Variants in RAB3IP observed in about 807,000 individuals in gnomAD.
RAB3IP encodes the protein RAB3A interacting protein, also known as rab-3A-interacting protein.
In RAB3IP, 36 loss-of-function variants were observed where a neutral mutation model predicts 59.1. The observed-to-expected ratio is 0.61, with a 90% CI of 0.47 to 0.80. The LOEUF (loss-of-function observed/expected upper bound fraction) is 0.80, where lower values mean the gene tolerates loss of function less well. Ranked by LOEUF, RAB3IP falls within the 30% of genes least tolerant of loss-of-function variation. The probability of loss-of-function intolerance (pLI) is 0.00; values close to 1 mark genes in which losing one functional copy is unlikely to be tolerated. For missense variants in RAB3IP, 511 were observed against 536.0 expected, an observed-to-expected ratio of 0.95 and a Z score of 0.46; for synonymous variants, 207 against 191.2, an observed-to-expected ratio of 1.08 and a Z score of -0.68.
chr12:69,760,499 C>T (rs1214445342), intron 3 of RAB3IP, among the ~76,000 whole-genome samples: 1 of 152,170 alleles, frequency 6.6e-6, no homozygotes, highest in Non-Finnish European at 1.5e-5. Context: ...TGTGTTCATT[C>T]CTTTGGTATT....
chr12:69,800,348 T>C lies in RAB3IP; in HGVS notation c.1017+11T>C. 1 of 1,512,916 alleles carries C rather than the reference T, an allele frequency of 6.6e-7. No homozygotes were observed. Among genetic ancestry groups the C allele is most frequent in the Admixed American group, 2.0e-5 (1 of 49,562 alleles). 93.7% of individuals were successfully genotyped at this position (1,512,916 alleles called of 1,614,324 possible). ...TTCTCAAAAAGTGAGGTAATTTTTT[T>C]TCATTTTAGTAGGAATTCATTATAG... On this transcript the variant is annotated intron_variant, in intron 7 of 10. Coordinates refer to ENST00000247833, the MANE Select transcript of RAB3IP (RefSeq NM_022456.5).
intron 3 of RAB3IP, among the ~76,000 whole-genome samples, chr12:69,779,430 G>T (rs966208030): frequency 6.6e-6 from 1 of 152,050 alleles, no homozygotes; most frequent in Non-Finnish European, 1.5e-5. Context: ...CGGCCATCTT[G>T]GCTCCTCCTC....
intron 4 of RAB3IP, among the ~76,000 whole-genome samples, chr12:69,788,735 A>C (rs1234956607): frequency 6.6e-6 from 1 of 152,132 alleles, no homozygotes; most frequent in Non-Finnish European, 1.5e-5. Flanking sequence ...AACTTTTAAC[A>C]CAACAGCAAA....
At chr12:69,801,867 A>G in intron 8 of RAB3IP, 146 bp downstream of exon 8, 1 of 510,592 alleles carries the variant, frequency 2.0e-6, no homozygotes, top group South Asian at 2.7e-5. Flanking sequence ...CCAAAGACAA[A>G]TTCCTGAGAC....
At chr12:69,739,668 C>T (rs1165643646) in intron 1 of RAB3IP, 2 of 656,514 alleles carry the variant, frequency 3.0e-6, no homozygotes, top group East Asian at 5.5e-5. Context: ...AAGTAGGCAG[C>T]TCCGTGCCGC....
rs1881518675 is a variant in RAB3IP at position 69,819,929 on chromosome 12, T to C, written c.*4483T>C. The C allele has an allele frequency of 6.6e-6, 1 of 152,194 alleles. No individual in the cohort carries two copies. Among genetic ancestry groups the C allele is most frequent in the East Asian group, 1.9e-4 (1 of 5,180 alleles). 9.4% of individuals were successfully genotyped at this position (152,194 alleles called of 1,614,324 possible). Reference sequence around the variant, plus strand: ...ACAGTCTTTGACTAAGCATCCACACTGGAAGAACAAGATTTGGTTTCTGAA... The same window carrying C: ...ACAGTCTTTGACTAAGCATCCACACCGGAAGAACAAGATTTGGTTTCTGAA... On this transcript the variant is annotated 3_prime_UTR_variant, in exon 11 of 11. Transcript: ENST00000247833.
chr12:69,752,884 T>G (rs1462110856), intron 1 of RAB3IP, among the ~76,000 whole-genome samples: 1 of 152,226 alleles, frequency 6.6e-6, no homozygotes, highest in Non-Finnish European at 1.5e-5. Flanking sequence ...ATAGCAGTTT[T>G]CTTGGTATAT....
intron 2 of RAB3IP, 135 bp from the exon 3 acceptor site, chr12:69,756,270 A>G (rs1302911022): frequency 1.2e-5 from 10 of 821,488 alleles, no homozygotes; most frequent in Admixed American, 1.1e-4. Flanking sequence ...TGTGGCTGAT[A>G]TGACTGAGGA....
At chr12:69,815,268 C>G in intron 10 of RAB3IP, 96 bp from the exon 11 acceptor site, 1 of 856,224 alleles carries the variant, frequency 1.2e-6, no homozygotes, top group Non-Finnish European at 1.9e-6. Context: ...TTAGGAAATG[C>G]ACAATTGACA....
At position 69,784,819 on chromosome 12, in the gene RAB3IP, G is replaced by T; in HGVS notation, c.606+4G>T. The T allele has an allele frequency of 6.3e-7, 1 of 1,580,326 alleles. No individual in the cohort carries two copies. Among genetic ancestry groups the T allele is most frequent in the South Asian group, 1.1e-5 (1 of 88,872 alleles). ...ACTCACAGCTAGTCTATTTGAGGTT[G>T]GTCTATTTACATCTTGGCCAACAGC... On this transcript the variant is annotated splice_donor_region_variant and intron_variant, in intron 4 of 10. Coordinates refer to ENST00000247833, the MANE Select transcript of RAB3IP (RefSeq NM_022456.5).
At chr12:69,773,552 C>T (rs1169139473) in intron 3 of RAB3IP, among the ~76,000 whole-genome samples, 15 of 131,372 alleles carry the variant, frequency 1.1e-4, no homozygotes, top group African/African-American at 4.2e-4. Context: ...CCAATGCTAT[C>T]CCTTCCCCCT....
chr12:69,759,598 G>A (rs934851603), intron 3 of RAB3IP, among the ~76,000 whole-genome samples: 13 of 148,406 alleles, frequency 8.8e-5, no homozygotes, highest in African/African-American at 2.0e-4. Context: ...ACGGGGCGGC[G>A]GCCGGGCGGA....
In RAB3IP at chr12:69,816,765, C is replaced by T. The variant is rs544684446; in HGVS notation, c.*1319C>T. The stretch of plus-strand genomic sequence containing the variant: ...AGAAAAGTTAATCAATTTGTATTCA[C>T]AGCAGCAGTGTACAAGAGGGCTGGT... On this transcript the variant is annotated 3_prime_UTR_variant, in exon 11 of 11. Coordinates refer to ENST00000247833, the MANE Select transcript of RAB3IP (RefSeq NM_022456.5). The T allele has an allele frequency of 6.6e-6, 1 of 152,276 alleles. No individual in the cohort carries two copies. The highest frequency in any genetic ancestry group is 2.1e-4 in the South Asian group (1 of 4,824). 9.4% of individuals were successfully genotyped at this position (152,276 alleles called of 1,614,324 possible).
Position 69,739,993 on chromosome 12 carries a change from CTCCT to C in RAB3IP, c.-26+966_-26+969del. The C allele has an allele frequency of 3.5e-6, 3 of 852,786 alleles. No individual in the cohort carries two copies. In the South Asian group the frequency reaches 4.6e-5, roughly 13 times the overall value. The allele number at this position is 852,786 out of a possible 1,614,324, so 52.8% of individuals were successfully genotyped here. On this transcript the variant is annotated intron_variant, in intron 1 of 10. Transcript: ENST00000247833. ...TATACACTCTCCTGTTTCACCCCAA[CTCCT>C]TCCGTTCAGTGTCGGGTTAAAAGCC...
intron 2 of RAB3IP, 117 bp from the exon 3 acceptor site, chr12:69,756,288 T>C: frequency 2.0e-6 from 2 of 1,022,778 alleles, no homozygotes; most frequent in Non-Finnish European, 2.9e-6. Context: ...GGACATACTA[T>C]TTATTTAAAT....
At chr12:69,813,089 A>C in intron 10 of RAB3IP, 56 bp downstream of exon 10, 1 of 1,309,778 alleles carries the variant, frequency 7.6e-7, no homozygotes, top group Non-Finnish European at 1.1e-6. Context: ...AAAAAGTATA[A>C]GTAAAGTTCA....
chr12:69,759,516 G>T (rs888233071), intron 3 of RAB3IP, among the ~76,000 whole-genome samples: 3 of 152,090 alleles, frequency 2.0e-5, no homozygotes, highest in Non-Finnish European at 4.4e-5. Flanking sequence ...CCCAGACGGG[G>T]TGGTGGCCGG....
At chr12:69,795,038 T>C (rs1592578607) in intron 5 of RAB3IP, 103 bp from the exon 6 acceptor site, 2 of 841,186 alleles carry the variant, frequency 2.4e-6, no homozygotes, top group East Asian at 5.2e-5. Flanking sequence ...CAAATTAAAC[T>C]TACTTTTCAT....
intron 3 of RAB3IP, among the ~76,000 whole-genome samples, chr12:69,767,651 G>A (rs1227347970): frequency 1.3e-5 from 2 of 152,240 alleles, no homozygotes; most frequent in African/African-American, 4.8e-5. Flanking sequence ...GGTGCCTGGA[G>A]GTCTGCCTGG....
Sources: gnomAD v4.1 joint callset for allele counts (sites outside exome capture counted in the v4.1 genomes callset) on GRCh38, gnomAD v4.1.1 for gene constraint, MANE v1.5 for transcripts, NCBI Gene and HGNC (gene_info 2026-07-23, HGNC 2026-07-21) for gene names.